The following LIMS1 variants were observed in gnomAD, a reference collection of about 807,000 sequenced individuals.
LIMS1 encodes the protein LIM zinc finger domain containing 1.
LIMS1 carries 18 observed loss-of-function variants against 44.1 expected under a neutral mutation model. The ratio of observed to expected loss-of-function variants is 0.41; its 90% CI spans 0.28 to 0.61. LIMS1 has a LOEUF of 0.61. Ranked by LOEUF, LIMS1 falls within the 20% of genes least tolerant of loss-of-function variation. The probability of loss-of-function intolerance (pLI) is 0.32; values close to 1 mark genes in which losing one functional copy is unlikely to be tolerated. For missense variants in LIMS1, 201 were observed against 422.0 expected, an observed-to-expected ratio of 0.48 and a Z score of 4.59; for synonymous variants, 93 against 149.1, an observed-to-expected ratio of 0.62 and a Z score of 2.74.
At chr2:108,599,229 CTG>C (rs1283496066) in intron 1 of LIMS1, among the ~76,000 whole-genome samples, 3 of 152,130 alleles carry the variant, frequency 2.0e-5, no homozygotes, top group African/African-American at 7.2e-5. Context: ...TTTCTACTCT[CTG>C]TGTCCATGAG....
At chr2:108,581,985 T>C (rs1685905583) in intron 1 of LIMS1, among the ~76,000 whole-genome samples, 1 of 152,016 alleles carries the variant, frequency 6.6e-6, no homozygotes, top group Admixed American at 6.6e-5. Flanking sequence ...GATGACACTG[T>C]TTTCTTGATA....
chr2:108,574,039 T>C (rs1685581732), intron 1 of LIMS1, among the ~76,000 whole-genome samples: 1 of 150,132 alleles, frequency 6.7e-6, no homozygotes, highest in South Asian at 2.1e-4. Context: ...GAATCCCCCC[T>C]CCCCCCCACC....
intron 1 of LIMS1, among the ~76,000 whole-genome samples, chr2:108,536,578 G>A (rs898925733): frequency 2.0e-5 from 3 of 152,176 alleles, no homozygotes; most frequent in Non-Finnish European, 4.4e-5. Flanking sequence ...ATAGACAGGT[G>A]TTTGTTGTTG....
At chr2:108,590,766 A>G (rs969560264) in intron 1 of LIMS1, among the ~76,000 whole-genome samples, 1 of 152,202 alleles carries the variant, frequency 6.6e-6, no homozygotes, top group African/African-American at 2.4e-5. Flanking sequence ...CATCTCACCT[A>G]GAATAACATC....
At chr2:108,678,098 G>A (rs1467169568) in intron 8 of LIMS1, 71 bp downstream of exon 8, 6 of 1,605,266 alleles carry the variant, frequency 3.7e-6, no homozygotes, top group Non-Finnish European at 5.1e-6. Context: ...TGGAAATTCA[G>A]GTTGGTGATT....
At chr2:108,613,063 C>T (rs776646963) in intron 1 of LIMS1, among the ~76,000 whole-genome samples, 2 of 152,098 alleles carry the variant, frequency 1.3e-5, no homozygotes, top group African/African-American at 2.4e-5. Flanking sequence ...TTGGTCAAGT[C>T]GTTTAACTGC....
At chr2:108,614,243 A>G (rs1687813231) in intron 1 of LIMS1, among the ~76,000 whole-genome samples, 1 of 152,148 alleles carries the variant, frequency 6.6e-6, no homozygotes, top group Non-Finnish European at 1.5e-5. Flanking sequence ...ACAGGTCCTC[A>G]CCATGCTCGG....
intron 2 of LIMS1, chr2:108,660,412 A>C (rs1691274537): frequency 4.6e-6 from 2 of 434,358 alleles, no homozygotes; most frequent in African/African-American, 4.2e-5. Context: ...AACATTACCG[A>C]AACCCCTTTC....
intron 1 of LIMS1, among the ~76,000 whole-genome samples, chr2:108,583,302 C>T (rs560517394): frequency 6.6e-6 from 1 of 151,432 alleles, no homozygotes; most frequent in Non-Finnish European, 1.5e-5. Context: ...CTAGGCCTCC[C>T]AAAGTGCTGG....
chr2:108,549,990 G>A (rs1393257058), intron 1 of LIMS1, among the ~76,000 whole-genome samples: 1 of 152,054 alleles, frequency 6.6e-6, no homozygotes, highest in African/African-American at 2.4e-5. Flanking sequence ...AAACTATGTA[G>A]ATAATAAAAG....
chr2:108,604,921 T>G (rs983246824), intron 1 of LIMS1, among the ~76,000 whole-genome samples: 3 of 152,214 alleles, frequency 2.0e-5, no homozygotes, highest in African/African-American at 7.2e-5. Context: ...CCTTTTTCAC[T>G]GGAATCCAGT....
chr2:108,535,467 GCA>G (rs1043967882), intron 1 of LIMS1, among the ~76,000 whole-genome samples: 6 of 152,182 alleles, frequency 3.9e-5, no homozygotes, highest in African/African-American at 1.4e-4. Context: ...AGTGGCCTTT[GCA>G]CACAGTTACG....
chr2:108,539,637 A>G (rs1293253071), intron 1 of LIMS1, among the ~76,000 whole-genome samples: 1 of 152,208 alleles, frequency 6.6e-6, no homozygotes. Flanking sequence ...GCTTCTGGAG[A>G]GGGAGTCTAG....
chr2:108,535,478 C>T (rs539014456), intron 1 of LIMS1, among the ~76,000 whole-genome samples: 32 of 152,274 alleles, frequency 2.1e-4, no homozygotes, highest in African/African-American at 7.7e-4. Flanking sequence ...CACACAGTTA[C>T]GTTAAAATTC....
At chr2:108,681,237 T>C in intron 9 of LIMS1, 4 of 1,249,836 alleles carry the variant, frequency 3.2e-6, no homozygotes, top group Non-Finnish European at 4.0e-6. Context: ...TGGGCATGTA[T>C]TTGTAGTCAT....
chr2:108,621,267 C>A, intron 1 of LIMS1: 1 of 1,527,064 alleles, frequency 6.5e-7, no homozygotes, highest in South Asian at 1.2e-5. Flanking sequence ...GCTGAGGTCC[C>A]TCGGCAAGGG....
At chr2:108,535,725 A>C (rs1684112517) in intron 1 of LIMS1, among the ~76,000 whole-genome samples, 1 of 152,154 alleles carries the variant, frequency 6.6e-6, no homozygotes, top group South Asian at 2.1e-4. Context: ...TTTCGGTTGA[A>C]AGCTTGCTTT....
intron 1 of LIMS1, among the ~76,000 whole-genome samples, chr2:108,608,042 A>G (rs959421080): frequency 2.6e-5 from 4 of 152,190 alleles, no homozygotes; most frequent in Non-Finnish European, 5.9e-5. Context: ...GGAACCTCCA[A>G]ATATCTACCA....
At chr2:108,590,357 A>G (rs559571688) in intron 1 of LIMS1, among the ~76,000 whole-genome samples, 1 of 152,392 alleles carries the variant, frequency 6.6e-6, no homozygotes, top group African/African-American at 2.4e-5. Flanking sequence ...AACATTAAAA[A>G]GAGGATGATC....
Sources: gnomAD v4.1 joint callset for allele counts (sites outside exome capture counted in the v4.1 genomes callset) on GRCh38, gnomAD v4.1.1 for gene constraint, MANE v1.5 for transcripts, NCBI Gene and HGNC (gene_info 2026-07-23, HGNC 2026-07-21) for gene names.